Variants in DLGAP2 observed in about 807,000 individuals in gnomAD.
DLGAP2 encodes the protein DLG associated protein 2.
Under a neutral mutation model 100.3 loss-of-function variants are expected in DLGAP2, and 26 were observed. That is an observed-to-expected ratio of 0.26 (90% confidence interval 0.19 to 0.36). DLGAP2 has a LOEUF of 0.36. DLGAP2 is among the 10% of genes least tolerant of loss of function. DLGAP2 has a pLI of 1.00. For missense variants in DLGAP2, 1,858 were observed against 1,453.2 expected (o/e 1.28, Z -4.53); for synonymous variants, 886 against 630.1 (o/e 1.41, Z -6.08).
At chr8:841,350 G>C (rs745546352) in intron 1 of DLGAP2, among the ~76,000 whole-genome samples, 1 of 152,186 alleles carries the variant, frequency 6.6e-6, no homozygotes, top group Non-Finnish European at 1.5e-5. Flanking sequence ...GCCAGTGGGG[G>C]CCTCTTCACT....
At chr8:1,494,046 G>T (rs946289103) in intron 3 of DLGAP2, among the ~76,000 whole-genome samples, 3 of 152,194 alleles carry the variant, frequency 2.0e-5, no homozygotes, top group African/African-American at 2.4e-5. Flanking sequence ...CTGCATCGGG[G>T]GGGGCAGTAG....
In DLGAP2 at chr8:1,190,499, TC is replaced by T. The variant is rs1181326791; in HGVS notation, c.74-68351del. On this transcript the variant is annotated intron_variant, in intron 2 of 14. Transcript: ENST00000637795. Reference sequence around the variant, plus strand: ...TGCCGGGCAATCTTTCCCGGCAGCATCTCATGCAGGAGGCACCCGTCCCGTT... The same window carrying T: ...TGCCGGGCAATCTTTCCCGGCAGCATTCATGCAGGAGGCACCCGTCCCGTT... Among the ~76,000 whole-genome samples the T allele has an allele frequency of 2.0e-5, 3 of 152,240 alleles. No homozygotes were observed. The East Asian group carries it at 5.8e-4, about 30-fold the overall frequency.
intron 3 of DLGAP2, among the ~76,000 whole-genome samples, chr8:1,308,276 A>T (rs1007986634): frequency 6.6e-6 from 1 of 152,198 alleles, no homozygotes; most frequent in Admixed American, 6.5e-5. Flanking sequence ...ACTAGCTTGA[A>T]ACAACCTTAA....
intron 2 of DLGAP2, among the ~76,000 whole-genome samples, chr8:1,192,611 G>A (rs939618628): frequency 2.1e-5 from 3 of 144,130 alleles, no homozygotes; most frequent in South Asian, 2.4e-4. Context: ...TGTCTTGGAT[G>A]CATCATGTCA....
At chr8:1,311,777 G>T (rs1339049887) in intron 3 of DLGAP2, among the ~76,000 whole-genome samples, 2 of 151,706 alleles carry the variant, frequency 1.3e-5, no homozygotes, top group African/African-American at 4.8e-5. Context: ...TTTATGAAAA[G>T]CCACAGCCAA....
chr8:1,306,074 C>CAA lies in DLGAP2; in HGVS notation c.106+47208_106+47209dup, dbSNP rs61647224. Among the ~76,000 whole-genome samples, 29 of 116,422 alleles carry CAA rather than the reference C, an allele frequency of 2.5e-4. 1 individual carries two copies. The highest frequency in any genetic ancestry group is 6.5e-4 in the African/African-American group (21 of 32,100). 76.4% of individuals were successfully genotyped at this position (116,422 alleles called of 152,430 possible). ...AGAAGTCCTAGACAGAGAAATTAGGCAAAAAAAAAAAAAAAAAAGAGAGAG... is the reference window on the plus strand; with the variant it reads ...AGAAGTCCTAGACAGAGAAATTAGGCAAAAAAAAAAAAAAAAAAAAGAGAGAG... On this transcript the variant is annotated intron_variant, in intron 3 of 14. Transcript: ENST00000637795.
At chr8:1,633,128 C>G (rs1797691147) in intron 8 of DLGAP2, 82 bp downstream of exon 8, 9 of 1,335,402 alleles carry the variant, frequency 6.7e-6, no homozygotes, top group Non-Finnish European at 9.6e-6. Flanking sequence ...GAGCAGCACA[C>G]AGCACCACAG....
chr8:1,425,076 T>G (rs772703403), intron 3 of DLGAP2, among the ~76,000 whole-genome samples: 2 of 152,234 alleles, frequency 1.3e-5, no homozygotes, highest in Non-Finnish European at 2.9e-5. Flanking sequence ...GCACTTAGTT[T>G]TTAGTAAACT....
chr8:1,288,483 AGTGTGTGT>A (rs1165190944), intron 3 of DLGAP2, among the ~76,000 whole-genome samples: 5 of 102,912 alleles, frequency 4.9e-5, no homozygotes, highest in South Asian at 4.0e-4. Context: ...GTTTCAGTTC[AGTGTGTGT>A]GTGTGTGTGT....
chr8:1,667,840 A>C (rs879621964), intron 8 of DLGAP2, among the ~76,000 whole-genome samples: 2 of 151,470 alleles, frequency 1.3e-5, no homozygotes, highest in Non-Finnish European at 2.9e-5. Context: ...CTGCGGGGAC[A>C]CACCTTGCCT....
At chr8:1,572,119 G>A (rs1802734216) in intron 6 of DLGAP2, among the ~76,000 whole-genome samples, 1 of 137,072 alleles carries the variant, frequency 7.3e-6, no homozygotes, top group Non-Finnish European at 1.6e-5. Context: ...AGGAGAGAGG[G>A]TGAACTGGAG....
At chr8:1,360,203 GCGGGGC>G (rs1801948540) in intron 3 of DLGAP2, among the ~76,000 whole-genome samples, 1 of 126,494 alleles carries the variant, frequency 7.9e-6, no homozygotes, top group Non-Finnish European at 1.7e-5. Context: ...GTGCTCAGGG[GCGGGGC>G]TTTTCCGGGG....
In DLGAP2 at chr8:1,632,978, C is replaced by G. The variant is rs749959122; in HGVS notation, c.1742C>G (p.Ser581Cys). Reference sequence around the variant, plus strand: ...CTTCGAGCCATTCAAGCCGGCTACTCCCAAGATGACGAATGTATTCCCATG... The same window carrying G: ...CTTCGAGCCATTCAAGCCGGCTACTGCCAAGATGACGAATGTATTCCCATG... ...SYLRAIQAGYSQDDECIPMMT... is the reference protein window; with the variant it reads ...SYLRAIQAGYCQDDECIPMMT... Residue 581 changes from serine (S) to cysteine (C), a missense_variant, in exon 8 of 15, where the codon TCC becomes TGC. Coordinates refer to ENST00000637795, the MANE Select transcript of DLGAP2 (RefSeq NM_001346810.2). 4.3e-6 allele frequency: 7 copies of G among 1,613,984 alleles called. No homozygotes were observed. The highest frequency in any genetic ancestry group is 5.1e-6 in the Non-Finnish European group (6 of 1,179,896).
intron 2 of DLGAP2, among the ~76,000 whole-genome samples, chr8:954,566 G>A (rs1178992099): frequency 2.0e-5 from 3 of 152,174 alleles, no homozygotes; most frequent in Non-Finnish European, 2.9e-5. Flanking sequence ...ACATCAGAAA[G>A]GGTATATCTT....
chr8:1,458,645 C>A (rs1798386909), intron 3 of DLGAP2, among the ~76,000 whole-genome samples: 2 of 152,242 alleles, frequency 1.3e-5, no homozygotes, highest in Non-Finnish European at 2.9e-5. Context: ...GAGCCTCCAG[C>A]AGCACAGACC....
At chr8:1,455,700 C>T (rs114050925) in intron 3 of DLGAP2, among the ~76,000 whole-genome samples, 1,873 of 152,330 alleles carry the variant, frequency 0.012, 47 homozygotes, top group African/African-American at 0.043. Flanking sequence ...GTCACATCCA[C>T]GCCCCCCATT....
chr8:1,421,976 AAAAAG>A (rs755201497), intron 3 of DLGAP2, among the ~76,000 whole-genome samples: 5 of 152,316 alleles, frequency 3.3e-5, no homozygotes, highest in Admixed American at 6.5e-5. Context: ...AAAAAAAAGA[AAAAAG>A]AAAAAAGAGA....
intron 2 of DLGAP2, among the ~76,000 whole-genome samples, chr8:1,176,228 C>G (rs930537815): frequency 6.6e-6 from 1 of 152,164 alleles, no homozygotes; most frequent in Non-Finnish European, 1.5e-5. Flanking sequence ...AATGCTGCCA[C>G]TTTCAAACCA....
At chr8:808,515 C>T (rs1378866385) in intron 1 of DLGAP2, among the ~76,000 whole-genome samples, 3 of 152,178 alleles carry the variant, frequency 2.0e-5, no homozygotes, top group East Asian at 3.9e-4. Context: ...CAGTGGGATT[C>T]CTTCCTCATC....
Sources: gnomAD v4.1 joint callset for allele counts (sites outside exome capture counted in the v4.1 genomes callset) on GRCh38, gnomAD v4.1.1 for gene constraint, MANE v1.5 for transcripts, NCBI Gene and HGNC (gene_info 2026-07-23, HGNC 2026-07-21) for gene names.